The following SDK1 variants were observed in gnomAD, a reference collection of about 807,000 sequenced individuals.
SDK1 encodes protein sidekick-1.
Under a neutral mutation model 245.5 loss-of-function variants are expected in SDK1, and 157 were observed. That is an observed-to-expected ratio of 0.64 (90% confidence interval 0.56 to 0.73). SDK1 has a LOEUF of 0.73. Among genes scored for constraint, SDK1 ranks in the 30% least tolerant of loss-of-function variants. The pLI is 0.00. For synonymous variants in SDK1, 1,647 were observed against 1,278.5 expected (o/e 1.29, Z -6.15); for missense variants, 3,583 against 3,002.3 (o/e 1.19, Z -4.52).
At chr7:3,743,339 T>G (rs888823600) in intron 4 of SDK1, among the ~76,000 whole-genome samples, 14 of 152,188 alleles carry the variant, frequency 9.2e-5, no homozygotes, top group African/African-American at 3.4e-4. Flanking sequence ...CGGTACAGTC[T>G]TGCTAAGTCA....
chr7:3,977,428 G>C (rs574348452), intron 13 of SDK1, among the ~76,000 whole-genome samples: 3 of 152,154 alleles, frequency 2.0e-5, no homozygotes, highest in Non-Finnish European at 2.9e-5. Flanking sequence ...CTGCCACACA[G>C]AGGGTCCTCC....
rs186126472 is a variant in SDK1, at chr7:3,515,679, A to G, written c.299-103401A>G. 5.3e-5 allele frequency among the ~76,000 whole-genome samples: 8 copies of G among 152,314 alleles called. No homozygotes were observed. In the East Asian group the frequency reaches 1.5e-3, roughly 29 times the overall value. ...TTTGGAAGTCATTTCAGAATCATAT[A>G]AGGAGGTTAGCCAAAGAGAAATGTT... On this transcript the variant is annotated intron_variant, in intron 1 of 44. Coordinates refer to ENST00000404826, the MANE Select transcript of SDK1 (RefSeq NM_152744.4).
chr7:3,935,671 A>G (rs190637197), intron 5 of SDK1, among the ~76,000 whole-genome samples: 35 of 152,346 alleles, frequency 2.3e-4, no homozygotes, highest in Non-Finnish European at 2.5e-4. Flanking sequence ...TAAAACCACA[A>G]TGAAAGACCA....
chr7:3,987,060 G>A (rs559999749), intron 13 of SDK1, 126 bp from the exon 14 acceptor site: 1 of 877,556 alleles, frequency 1.1e-6, no homozygotes. Context: ...TTTGTGTTTG[G>A]GCATATTTTA....
chr7:3,951,689 T>C, intron 6 of SDK1, 41 bp from the exon 7 acceptor site: 1 of 1,584,462 alleles, frequency 6.3e-7, no homozygotes, highest in Non-Finnish European at 8.6e-7. Flanking sequence ...GCCACCTCCC[T>C]GAGTCACAAT....
intron 1 of SDK1, among the ~76,000 whole-genome samples, chr7:3,323,277 G>C (rs978808448): frequency 1.3e-5 from 2 of 152,296 alleles, no homozygotes; most frequent in Admixed American, 1.3e-4. Context: ...ATCCGGCACA[G>C]TACCTGATGT....
At chr7:3,750,677 G>C (rs932104721) in intron 4 of SDK1, among the ~76,000 whole-genome samples, 1 of 152,210 alleles carries the variant, frequency 6.6e-6, no homozygotes, top group Non-Finnish European at 1.5e-5. Flanking sequence ...TGAGTTCTTT[G>C]CTCAAATTGG....
At chr7:3,359,758 C>A (rs560501817) in intron 1 of SDK1, among the ~76,000 whole-genome samples, 23 of 152,240 alleles carry the variant, frequency 1.5e-4, no homozygotes, top group Middle Eastern at 6.8e-3. Flanking sequence ...ACGGTATCTT[C>A]AGGCATTGTG....
chr7:4,130,311 G>C, intron 27 of SDK1: 1 of 586,634 alleles, frequency 1.7e-6, no homozygotes, highest in Non-Finnish European at 3.0e-6. Flanking sequence ...TTATGAACCT[G>C]TACTGAGTTT....
At chr7:3,785,716 C>G (rs1398696307) in intron 4 of SDK1, among the ~76,000 whole-genome samples, 1 of 151,966 alleles carries the variant, frequency 6.6e-6, no homozygotes, top group Non-Finnish European at 1.5e-5. Flanking sequence ...AAAAAAAATA[C>G]ACTTGCTCAT....
rs146532488 is a variant in SDK1, at chr7:3,530,645, T to C, written c.299-88435T>C. 1.2e-3 allele frequency among the ~76,000 whole-genome samples: 180 copies of C among 152,348 alleles called. 1 individual carries two copies. The highest frequency in any genetic ancestry group is 4.1e-3 in the African/African-American group (172 of 41,590). On this transcript the variant is annotated intron_variant, in intron 1 of 44. Transcript: ENST00000404826. The stretch of plus-strand genomic sequence containing the variant: ...AAAAATACTTTCACATAGATAGGCA[T>C]GTGAAATATATTATGTATTAATATT...
Position 3,987,226 on chromosome 7 carries a change from A to G in SDK1, c.2035A>G (p.Asn679Asp), listed in dbSNP as rs759415154. ...HSPQNLLVSP[N>D]SSHSHAVVLS... ...ACCTCAGAACCTCCTGGTCAGCCCTAATTCTTCCCACAGCCACGCCGTGGT... is the reference window on the plus strand; with the variant it reads ...ACCTCAGAACCTCCTGGTCAGCCCTGATTCTTCCCACAGCCACGCCGTGGT... Residue 679 changes from asparagine (N) to aspartate (D), a missense_variant, in exon 14 of 45, where the codon AAT becomes GAT. Physicochemically the swap from Asn to Asp is conservative, Grantham distance 23. Transcript: ENST00000404826. 1.9e-6 allele frequency: 3 copies of G among 1,613,944 alleles called. No homozygotes were observed. The highest frequency in any genetic ancestry group is 2.2e-5 in the East Asian group (1 of 44,888).
chr7:4,053,462 C>G (rs942213175), intron 19 of SDK1, among the ~76,000 whole-genome samples: 5 of 152,098 alleles, frequency 3.3e-5, no homozygotes, highest in African/African-American at 1.2e-4. Context: ...ATTACTTCTT[C>G]CAATCTTTTT....
chr7:4,220,612 G>A (rs1422810194), intron 39 of SDK1, among the ~76,000 whole-genome samples: 1 of 151,426 alleles, frequency 6.6e-6, no homozygotes, highest in Non-Finnish European at 1.5e-5. Context: ...TCATGGGGAA[G>A]AAGCATGTAC....
Position 4,144,124 on chromosome 7 carries a change from G to T in SDK1, c.4229-1598G>T, listed in dbSNP as rs536961251. On this transcript the variant is annotated intron_variant, in intron 28 of 44. Transcript: ENST00000404826. ...CCTACTCTCACTACACAGGGGTGTGGGGGAAGGGGAGGCGTGGGGGAAGGG... is the reference window on the plus strand; with the variant it reads ...CCTACTCTCACTACACAGGGGTGTGTGGGAAGGGGAGGCGTGGGGGAAGGG... 4.2e-3 allele frequency among the ~76,000 whole-genome samples: 644 copies of T among 151,802 alleles called. 2 individuals carry two copies. The highest frequency in any genetic ancestry group is 6.8e-3 in the Middle Eastern group (2 of 294).
In SDK1 at chr7:3,999,178, G is replaced by A. The variant is rs1251681748; in HGVS notation, c.2132-11788G>A. On this transcript the variant is annotated intron_variant, in intron 14 of 44. Transcript: ENST00000404826. ...TGTATCATGTCACCATACTTTAAGG[G>A]CAGGCTCATGTGAAATGAGCCATCG... 2.0e-5 allele frequency among the ~76,000 whole-genome samples: 3 copies of A among 152,070 alleles called. No individual in the cohort carries two copies. The East Asian group carries it at 5.8e-4, about 29-fold the overall frequency.
At chr7:3,953,757 C>A (rs1019624628) in intron 7 of SDK1, among the ~76,000 whole-genome samples, 1 of 152,314 alleles carries the variant, frequency 6.6e-6, no homozygotes, top group African/African-American at 2.4e-5. Flanking sequence ...TGTGTTCTCT[C>A]GAGTTAGCAC....
At chr7:3,778,950 A>C (rs182730391) in intron 4 of SDK1, among the ~76,000 whole-genome samples, 1 of 152,340 alleles carries the variant, frequency 6.6e-6, no homozygotes, top group East Asian at 1.9e-4. Context: ...TGTAGGTTTA[A>C]CATCCTTGAC....
chr7:3,624,677 G>C lies in SDK1; in HGVS notation c.458+5438G>C, dbSNP rs568381701. Among the ~76,000 whole-genome samples, 10 of 152,168 alleles carry C rather than the reference G, an allele frequency of 6.6e-5. No homozygotes were observed. The South Asian group carries it at 2.1e-3, about 32-fold the overall frequency. ...AAGGCATATTAGAATGCCATAATAA[G>C]TAACATGTTAATAGTATAAAATTAA... On this transcript the variant is annotated intron_variant, in intron 2 of 44. Coordinates refer to ENST00000404826, the MANE Select transcript of SDK1 (RefSeq NM_152744.4).
Sources: allele counts gnomAD v4.1 joint callset (sites outside exome capture counted in the v4.1 genomes callset), GRCh38; gene constraint gnomAD v4.1.1; transcripts MANE v1.5; gene names NCBI Gene and HGNC (gene_info 2026-07-23, HGNC 2026-07-21).